Variants in CSPG4 observed in about 807,000 individuals in gnomAD.
CSPG4 encodes the protein chondroitin sulfate proteoglycan 4 (melanoma-associated).
A neutral mutation model predicts 139.3 loss-of-function variants in CSPG4; 74 were observed. That is an observed-to-expected ratio of 0.53 (90% CI 0.44 to 0.64). CSPG4 has a LOEUF of 0.64. Among genes scored for constraint, CSPG4 ranks in the 30% least tolerant of loss-of-function variants. The probability of loss-of-function intolerance (pLI) is 0.00; values close to 1 mark genes in which losing one functional copy is unlikely to be tolerated. For missense variants in CSPG4, 2,565 were observed against 3,148.3 expected (o/e 0.81, Z 4.43); for synonymous variants, 1,234 against 1,394.2 (o/e 0.89, Z 2.56).
At chr15:75,709,360 G>A (rs993198787) in intron 1 of CSPG4, among the ~76,000 whole-genome samples, 1 of 152,122 alleles carries the variant, frequency 6.6e-6, no homozygotes, top group Non-Finnish European at 1.5e-5. Flanking sequence ...GAGTCAGGGG[G>A]AAAGGCAGTG....
chr15:75,681,421 G>A (rs1566972244), intron 8 of CSPG4, among the ~76,000 whole-genome samples: 1 of 152,194 alleles, frequency 6.6e-6, no homozygotes, highest in South Asian at 2.1e-4. Context: ...CCCCTCAGGA[G>A]GTACTTGGGG....
At position 75,698,026 on chromosome 15, in the gene CSPG4, G is replaced by A. The variant is rs1425846850; in HGVS notation, c.89-4793C>T. Among the ~76,000 whole-genome samples, 1 of 152,220 alleles carries A rather than the reference G, an allele frequency of 6.6e-6. No individual in the cohort carries two copies. Among genetic ancestry groups the A allele is most frequent in the African/African-American group, 2.4e-5 (1 of 41,448 alleles). On this transcript the variant is annotated intron_variant, in intron 1 of 9. Coordinates refer to ENST00000308508, the MANE Select transcript of CSPG4 (RefSeq NM_001897.5). The surrounding 1 kb of genome is among the most constrained non-coding windows in gnomAD (Gnocchi z 4.3). ...AGGCCTGAGGAAGGAGACGGAGGAGGAAAACTCGAGGGAGACAGAGAAGGC... is the reference window on the plus strand; with the variant it reads ...AGGCCTGAGGAAGGAGACGGAGGAGAAAAACTCGAGGGAGACAGAGAAGGC...
intron 8 of CSPG4, chr15:75,678,622 A>G (rs1358492507): frequency 2.2e-6 from 1 of 455,692 alleles, no homozygotes; most frequent in Non-Finnish European, 4.4e-6. Context: ...CCAGAGTGCT[A>G]GGATTACAGG....
rs376493350 is a variant in CSPG4 at position 75,675,522 on chromosome 15, C to T, written c.*28G>A. The T allele has an allele frequency of 2.6e-5, 38 of 1,467,090 alleles. No homozygotes were observed. Among genetic ancestry groups the T allele is most frequent in the African/African-American group, 8.5e-5 (6 of 70,584 alleles). The allele number at this position is 1,467,090 out of a possible 1,614,324, so 90.9% of individuals were successfully genotyped here. On this transcript the variant is annotated 3_prime_UTR_variant, in exon 10 of 10. Transcript: ENST00000308508. The stretch of plus-strand genomic sequence containing the variant: ...GACATGGGCAAGCCTGTCCCTGGCC[C>T]GATCAGCATCTGGGCCCAGGCCAGG...
Position 75,682,340 on chromosome 15 carries a change from G to A in CSPG4, c.4903C>T (p.Gln1635Ter). Residue 1635 changes from glutamine (Q) to a stop codon, truncating the protein, a stop_gained, in exon 8 of 10, where the codon CAG (glutamine) becomes TAG (stop). Coordinates refer to ENST00000308508, the MANE Select transcript of CSPG4 (RefSeq NM_001897.5). LOFTEE classifies it high-confidence loss of function. ...AGGGCCTCCCCTGTGCTGTCCTGCTGGGCGTGGAACAGCCGGCCTAGCTGG... is the reference window on the plus strand; with the variant it reads ...AGGGCCTCCCCTGTGCTGTCCTGCTAGGCGTGGAACAGCCGGCCTAGCTGG... The part of the protein sequence containing the change: ...GPQLGRLFHA[Q>*]QDSTGEALVN... 1 of 1,596,788 alleles carries A rather than the reference G, an allele frequency of 6.3e-7. No homozygotes were observed. Among genetic ancestry groups the A allele is most frequent in the Non-Finnish European group, 8.5e-7 (1 of 1,179,942 alleles).
In CSPG4 at chr15:75,710,481, G is replaced by GGGCT. The variant is rs1171549447; in HGVS notation, c.88+2183_88+2186dup. 4.6e-5 allele frequency among the ~76,000 whole-genome samples: 7 copies of GGGCT among 152,082 alleles called. No individual in the cohort carries two copies. In the South Asian group the frequency reaches 1.0e-3, roughly 23 times the overall value. On this transcript the variant is annotated intron_variant, in intron 1 of 9. Transcript: ENST00000308508. ...GGGAGCACCCTCGAAGCAGGGCTGG[G>GGGCT]GGCTCTTCCTGGGCTGCTGGGGTTC... is the stretch of plus-strand genomic sequence containing the variant.
Position 75,674,906 on chromosome 15 carries a change from T to C in CSPG4, c.*644A>G, listed in dbSNP as rs1045610140. The C allele has an allele frequency of 4.0e-5, 16 of 398,314 alleles. No individual in the cohort carries two copies. The highest frequency in any genetic ancestry group is 1.3e-4 in the Admixed American group (3 of 22,706). 24.7% of individuals were successfully genotyped at this position (398,314 alleles called of 1,614,324 possible). A position where few individuals can be genotyped will look rare whatever the true frequency, so the allele number is the denominator to read the frequency against. On this transcript the variant is annotated 3_prime_UTR_variant, in exon 10 of 10. Coordinates refer to ENST00000308508, the MANE Select transcript of CSPG4 (RefSeq NM_001897.5). ...CTCAGCACCATGTTAAATAGCTTCC[T>C]TGCAATCTCCCTTAAATAAACCCAT...
intron 1 of CSPG4, among the ~76,000 whole-genome samples, chr15:75,702,161 T>C (rs1894311893): frequency 6.6e-6 from 1 of 152,122 alleles, no homozygotes; most frequent in Admixed American, 6.5e-5. Flanking sequence ...CACCCCCGGG[T>C]GGCACTGAAG....
intron 1 of CSPG4, among the ~76,000 whole-genome samples, chr15:75,702,724 T>G (rs1210553039): frequency 6.6e-6 from 1 of 152,256 alleles, no homozygotes; most frequent in Non-Finnish European, 1.5e-5. Context: ...CAGAGACTGC[T>G]TTTCTGGGCC....
intron 1 of CSPG4, among the ~76,000 whole-genome samples, chr15:75,711,492 C>T (rs996548345): frequency 3.3e-5 from 5 of 152,216 alleles, no homozygotes; most frequent in Admixed American, 2.0e-4. Flanking sequence ...GCCCATCCCT[C>T]AGGCCCTGAG....
At chr15:75,704,947 C>T (rs1894350641) in intron 1 of CSPG4, among the ~76,000 whole-genome samples, 1 of 152,196 alleles carries the variant, frequency 6.6e-6, no homozygotes, top group African/African-American at 2.4e-5. Flanking sequence ...GAGAGGGACT[C>T]GCGAGGGGTT....
chr15:75,712,724 G>A lies in CSPG4; in HGVS notation c.32C>T (p.Ala11Val), dbSNP rs1334784792. Residue 11 changes from alanine to valine, a missense_variant, in exon 1 of 10, where the codon GCC becomes GTC. Around this residue, in one of 5 missense-constraint regions of CSPG4, gnomAD observed 47 missense variants for 48.7 expected, o/e 0.97. Transcript: ENST00000308508. MQSGPRPPLP[A>V]PGLALALTLT... ...GGTCAAAGCCAAGGCCAGGCCGGGG[G>A]CTGGAAGTGGGGGCCGCGGCCCGGA... is the stretch of plus-strand genomic sequence containing the variant. The A allele has an allele frequency of 1.8e-5, 28 of 1,561,112 alleles. No homozygotes were observed. Among genetic ancestry groups the A allele is most frequent in the Non-Finnish European group, 2.4e-5 (28 of 1,153,348 alleles).
chr15:75,692,572 T>C (rs148264718), intron 2 of CSPG4, among the ~76,000 whole-genome samples: 9,595 of 148,620 alleles, frequency 0.065, no homozygotes, highest in African/African-American at 0.21. Flanking sequence ...ACTGGTGCTG[T>C]TACTGTCGTG....
Position 75,687,492 on chromosome 15 carries a change from G to T in CSPG4, c.3573C>A (p.Asp1191Glu). 6.2e-7 allele frequency: 1 copy of T among 1,612,542 alleles called. No individual in the cohort carries two copies. Among genetic ancestry groups the T allele is most frequent in the Non-Finnish European group, 8.5e-7 (1 of 1,179,738 alleles). ...GQPATAFSQQ[D>E]LLDGAVLYSH... ...TATAGAGAACGGCCCCATCCAGCAGGTCCTGCTGGGAGAAGGCTGTGGCTG... is the reference window on the plus strand; with the variant it reads ...TATAGAGAACGGCCCCATCCAGCAGTTCCTGCTGGGAGAAGGCTGTGGCTG... The change falls in exon 3 of 10, where the codon GAC becomes GAA. Residue 1191 changes from aspartate (D) to glutamate (E), a missense_variant. By Grantham distance (45) the Asp-to-Glu change is conservative (BLOSUM62 2). Around this residue, in one of 5 missense-constraint regions of CSPG4, gnomAD observed 2,316 missense variants for 2,818.2 expected, o/e 0.82. Coordinates refer to ENST00000308508, the MANE Select transcript of CSPG4 (RefSeq NM_001897.5). This position sits in a 1 kb window ranked among gnomAD's most constrained non-coding sequence, Gnocchi z 5.4.
rs758760248 is a variant in CSPG4, at chr15:75,687,530, G to A, written c.3535C>T (p.Arg1179Trp). 9.1e-5 allele frequency: 147 copies of A among 1,611,644 alleles called. No individual in the cohort carries two copies. In the Admixed American group the frequency reaches 1.7e-3, roughly 19 times the overall value. ...AAGGCTGTGGCTGGCTGACCAGCCC[G>A]GACTAGCTGTCCCCAGCGAGGGCCA... ...TAGPRWGQLV[R>W]AGQPATAFSQ... Residue 1179 changes from arginine (R) to tryptophan (W), a missense_variant, in exon 3 of 10, where the codon CGG becomes TGG. This residue lies in a region of CSPG4 where 2,316 missense variants were observed against 2,818.2 expected (regional missense o/e 0.82). Coordinates refer to ENST00000308508, the MANE Select transcript of CSPG4 (RefSeq NM_001897.5). The surrounding 1 kb of genome is among the most constrained non-coding windows in gnomAD (Gnocchi z 5.4).
upstream of CSPG4, chr15:75,712,919 G>A (rs1197423979): frequency 1.1e-5 from 6 of 566,676 alleles, no homozygotes; most frequent in Non-Finnish European, 1.5e-5. Flanking sequence ...GCCCGCTCGG[G>A]TTTCAGGCTT....
Position 75,676,836 on chromosome 15 carries a change from T to A in CSPG4, c.5683A>T (p.Thr1895Ser), listed in dbSNP as rs758394829. ...CGCCCTGAATCCACATCGGCTTGCG[T>A]GAAGCGGGTCACGGGCCCCAGGCCA... is the stretch of plus-strand genomic sequence containing the variant. ...GGGLGPVTRF[T>S]QADVDSGRLA... Residue 1895 changes from threonine to serine, a missense_variant, in exon 10 of 10, where the codon ACG (threonine) becomes TCG (serine). Physicochemically the swap from Thr to Ser is moderately conservative, Grantham distance 58. This residue lies in a region of CSPG4 where 2,316 missense variants were observed against 2,818.2 expected (regional missense o/e 0.82). Coordinates refer to ENST00000308508, the MANE Select transcript of CSPG4 (RefSeq NM_001897.5). 1.3e-6 allele frequency: 2 copies of A among 1,556,296 alleles called. No homozygotes were observed. The highest frequency in any genetic ancestry group is 4.5e-5 in the East Asian group (2 of 44,216).
At position 75,689,896 on chromosome 15, in the gene CSPG4, T is replaced by C. The variant is rs1207702738; in HGVS notation, c.1169A>G (p.Asp390Gly). The change falls in exon 3 of 10, where the codon GAT becomes GGT. Residue 390 changes from aspartate (D) to glycine (G), a missense_variant. By Grantham distance (94) the Asp-to-Gly change is moderately conservative (BLOSUM62 -1). Around this residue, in one of 5 missense-constraint regions of CSPG4, gnomAD observed 2,316 missense variants for 2,818.2 expected, o/e 0.82. Transcript: ENST00000308508. Reference protein sequence around the residue: ...CRLEEEEYEDDAYGHYEAFST... With the variant: ...CRLEEEEYEDGAYGHYEAFST... Reference sequence around the variant, plus strand: ...GAAAGCTTCATAATGTCCATAGGCATCGTCCTCATACTCCTCCTCCTCCAG... The same window carrying C: ...GAAAGCTTCATAATGTCCATAGGCACCGTCCTCATACTCCTCCTCCTCCAG... 1 of 1,612,138 alleles carries C rather than the reference T, an allele frequency of 6.2e-7. No homozygotes were observed. The highest frequency in any genetic ancestry group is 8.5e-7 in the Non-Finnish European group (1 of 1,179,542).
Position 75,677,144 on chromosome 15 carries a change from C to T in CSPG4, c.5375G>A (p.Gly1792Asp). ...AAAGTGGAAGCCATCCTGCTGGGTGCCCCCACCGCCGTGGGCATACACTAG... is the reference window on the plus strand; with the variant it reads ...AAAGTGGAAGCCATCCTGCTGGGTGTCCCCACCGCCGTGGGCATACACTAG... Reference protein sequence around the residue: ...GQLVYAHGGGGTQQDGFHFRA... With the variant: ...GQLVYAHGGGDTQQDGFHFRA... The change falls in exon 10 of 10, where the codon GGC becomes GAC. Residue 1792 changes from glycine (G) to aspartate (D), a missense_variant. By Grantham distance (94) the Gly-to-Asp change is moderately conservative. Coordinates refer to ENST00000308508, the MANE Select transcript of CSPG4 (RefSeq NM_001897.5). 2 of 1,420,930 alleles carry T rather than the reference C, an allele frequency of 1.4e-6. No individual in the cohort carries two copies. The highest frequency in any genetic ancestry group is 9.2e-7 in the Non-Finnish European group (1 of 1,084,796). The allele number at this position is 1,420,930 out of a possible 1,614,324, so 88.0% of individuals were successfully genotyped here. A position where few individuals can be genotyped will look rare whatever the true frequency, so the allele number is the denominator to read the frequency against.
Sources: allele counts gnomAD v4.1 joint callset (sites outside exome capture counted in the v4.1 genomes callset), GRCh38; gene constraint gnomAD v4.1.1; regional missense constraint gnomAD v4.1.1; non-coding constraint Gnocchi (gnomAD v3.1); transcripts MANE v1.5; gene names NCBI Gene and HGNC (gene_info 2026-07-23, HGNC 2026-07-21).